MAF: variants seen among roughly 807,000 people sequenced by gnomAD.
The protein encoded by MAF is transcription factor Maf.
In MAF, 10 loss-of-function variants were observed where a neutral mutation model predicts 22.0. That is an observed-to-expected ratio of 0.45 (90% CI 0.28 to 0.77). The LOEUF is 0.77. MAF is among the 30% of genes least tolerant of loss of function. The probability of loss-of-function intolerance (pLI) is 0.12; values close to 1 mark genes in which losing one functional copy is unlikely to be tolerated. For missense variants in MAF, 544 were observed against 548.4 expected, an observed-to-expected ratio of 0.99 and a Z score of 0.08; for synonymous variants, 337 against 255.8, an observed-to-expected ratio of 1.32 and a Z score of -3.03.
the MAF span, among the ~76,000 whole-genome samples, chr16:79,299,751 T>C: frequency 1.3e-5 from 2 of 152,248 alleles, no homozygotes; most frequent in African/African-American, 4.8e-5. Context: ...TGGCTCCACA[T>C]GGGTGCCCGT....
the MAF span, among the ~76,000 whole-genome samples, chr16:79,402,108 GAGGCTAGCAGCTTAAGCT>G: frequency 1.3e-5 from 2 of 152,180 alleles, no homozygotes; most frequent in Non-Finnish European, 2.9e-5. Flanking sequence ...CTAGCTGCCT[GAGGCTAGCAGCTTAAGCT>G]AGCAGAATTG....
At chr16:79,574,353 T>A in the MAF span, among the ~76,000 whole-genome samples, 67 of 152,240 alleles carry the variant, frequency 4.4e-4, no homozygotes, top group African/African-American at 1.4e-3. Flanking sequence ...AATATTTTAT[T>A]GGTATCTGCA....
chr16:79,574,285 G>T, the MAF span, among the ~76,000 whole-genome samples: 1 of 152,134 alleles, frequency 6.6e-6, no homozygotes, highest in Non-Finnish European at 1.5e-5. Flanking sequence ...CCTCAGTCCT[G>T]TTTCTACTTT....
the MAF span, among the ~76,000 whole-genome samples, chr16:79,289,577 G>C: frequency 2.6e-5 from 4 of 152,152 alleles, no homozygotes; most frequent in African/African-American, 9.7e-5. Flanking sequence ...ACTACGGGCG[G>C]ATGAGTGTGT....
At position 79,600,285 on chromosome 16, in the gene MAF, G is replaced by T. The variant is rs2143826228; in HGVS notation, c.-383C>A. 1 of 225,406 alleles carries T rather than the reference G, an allele frequency of 4.4e-6. No individual in the cohort carries two copies. Among genetic ancestry groups the T allele is most frequent in the South Asian group, 1.5e-4 (1 of 6,666 alleles). The allele number at this position is 225,406 out of a possible 1,614,324, so 14.0% of individuals were successfully genotyped here. A position where few individuals can be genotyped will look rare whatever the true frequency, so the allele number is the denominator to read the frequency against. The stretch of plus-strand genomic sequence containing the variant: ...GGAGGAGCCCGGCCCGGTGCGCGGC[G>T]TCCCCCGCTCGCCGCTCCGCTGCGC... On this transcript the variant is annotated 5_prime_UTR_variant, in exon 1 of 2. Transcript: ENST00000326043.
At chr16:79,558,651 T>C in the MAF span, among the ~76,000 whole-genome samples, 2 of 152,166 alleles carry the variant, frequency 1.3e-5, no homozygotes, top group Admixed American at 6.5e-5. Context: ...TCATTCATAG[T>C]TGGAACTCAG....
chr16:79,489,252 T>C, the MAF span, among the ~76,000 whole-genome samples: 1 of 152,112 alleles, frequency 6.6e-6, no homozygotes, highest in Non-Finnish European at 1.5e-5. Context: ...CATCCATCTA[T>C]TTATCCAGCA....
At chr16:79,522,791 T>A in the MAF span, among the ~76,000 whole-genome samples, 1 of 152,200 alleles carries the variant, frequency 6.6e-6, no homozygotes, top group Non-Finnish European at 1.5e-5. Context: ...ATATCACGAA[T>A]GTTTTAAGGA....
the MAF span, among the ~76,000 whole-genome samples, chr16:79,415,835 G>A: frequency 7.2e-5 from 11 of 151,830 alleles, no homozygotes; most frequent in African/African-American, 2.4e-4. Flanking sequence ...TAAAACAATG[G>A]CAACTCTCAA....
At chr16:79,263,478 T>C in the MAF span, among the ~76,000 whole-genome samples, 1 of 152,246 alleles carries the variant, frequency 6.6e-6, no homozygotes, top group Non-Finnish European at 1.5e-5. Context: ...CATTTGTCCT[T>C]GTCCTAAAGG....
chr16:79,296,004 T>C, the MAF span, among the ~76,000 whole-genome samples: 1 of 152,206 alleles, frequency 6.6e-6, no homozygotes, highest in Admixed American at 6.5e-5. Flanking sequence ...AAGACAGCCA[T>C]GGGTGGGGCT....
At position 79,593,993 on chromosome 16, in the gene MAF, TTTG is replaced by T; in HGVS notation, c.*464_*466del. 1 of 212,182 alleles carries T rather than the reference TTTG, an allele frequency of 4.7e-6. No homozygotes were observed. The highest frequency in any genetic ancestry group is 7.3e-5 in the East Asian group (1 of 13,760). The allele number at this position is 212,182 out of a possible 1,614,324, so 13.1% of individuals were successfully genotyped here. On this transcript the variant is annotated 3_prime_UTR_variant, in exon 2 of 2. Transcript: ENST00000326043. Reference sequence around the variant, plus strand: ...CTCCGCTGGAGCCTCTGCCCGTGGATTTGTTTAGGGAAGGGGAGTCGAATATCT... The same window carrying T: ...CTCCGCTGGAGCCTCTGCCCGTGGATTTTAGGGAAGGGGAGTCGAATATCT...
At chr16:79,503,954 A>G in the MAF span, among the ~76,000 whole-genome samples, 49 of 152,332 alleles carry the variant, frequency 3.2e-4, no homozygotes, top group Non-Finnish European at 8.8e-5. Flanking sequence ...TATTAAATCC[A>G]TAATTTCTGT....
At chr16:79,443,311 C>T in the MAF span, among the ~76,000 whole-genome samples, 3 of 152,116 alleles carry the variant, frequency 2.0e-5, no homozygotes, top group Admixed American at 6.5e-5. Flanking sequence ...ACCCCCATGG[C>T]ACCCCAACCC....
chr16:79,576,439 C>A, the MAF span, among the ~76,000 whole-genome samples: 1 of 151,772 alleles, frequency 6.6e-6, no homozygotes, highest in Non-Finnish European at 1.5e-5. Context: ...GCCTCTGAGG[C>A]GGATGATAGC....
downstream of MAF, among the ~76,000 whole-genome samples, chr16:79,584,325 G>A (rs1043508670): frequency 6.6e-6 from 1 of 152,132 alleles, no homozygotes; most frequent in Admixed American, 6.6e-5. Context: ...TCCCCCAAGA[G>A]TACCAAGTAT....
chr16:79,500,916 G>C, the MAF span, among the ~76,000 whole-genome samples: 1 of 152,144 alleles, frequency 6.6e-6, no homozygotes, highest in East Asian at 1.9e-4. Flanking sequence ...TTCTCTGTTA[G>C]GGAAAATTCA....
the MAF span, among the ~76,000 whole-genome samples, chr16:79,493,152 T>G: frequency 6.6e-6 from 1 of 151,338 alleles, no homozygotes; most frequent in African/African-American, 2.4e-5. Context: ...TGTTTTGTTT[T>G]GTCTTGTTTT....
At chr16:79,576,882 G>A in the MAF span, among the ~76,000 whole-genome samples, 1 of 152,096 alleles carries the variant, frequency 6.6e-6, no homozygotes. Flanking sequence ...CAGAAACTTT[G>A]TATCCTTTTT....
Sources: gnomAD v4.1 joint callset for allele counts (sites outside exome capture counted in the v4.1 genomes callset) on GRCh38, gnomAD v4.1.1 for gene constraint, MANE v1.5 for transcripts, NCBI Gene and HGNC (gene_info 2026-07-23, HGNC 2026-07-21) for gene names.